CACNG2: variants seen among roughly 807,000 people sequenced by gnomAD.
CACNG2 encodes voltage-dependent calcium channel gamma-2 subunit.
A neutral mutation model predicts 25.9 loss-of-function variants in CACNG2; 3 were observed. The observed-to-expected ratio is 0.12, with a 90% CI of 0.05 to 0.30. The LOEUF (loss-of-function observed/expected upper bound fraction) is 0.30. Among genes scored for constraint, CACNG2 ranks in the 10% least tolerant of loss-of-function variants. The pLI, the probability that CACNG2 is intolerant of heterozygous loss-of-function variation, is 1.00. For missense variants in CACNG2, 341 were observed against 432.5 expected, an observed-to-expected ratio of 0.79 and a Z score of 1.88; for synonymous variants, 167 against 173.3, an observed-to-expected ratio of 0.96 and a Z score of 0.29.
intron 1 of CACNG2, among the ~76,000 whole-genome samples, chr22:36,670,582 C>A (rs1936934241): frequency 6.6e-6 from 1 of 152,080 alleles, no homozygotes; most frequent in South Asian, 2.1e-4. Flanking sequence ...GGAAGTGGCT[C>A]TGGTAGGGCT....
intron 1 of CACNG2, among the ~76,000 whole-genome samples, chr22:36,690,490 A>G (rs532004026): frequency 2.9e-4 from 44 of 152,220 alleles, no homozygotes; most frequent in African/African-American, 9.9e-4. Context: ...TAATAAACAC[A>G]CCACTGGTAA....
At chr22:36,683,943 A>G (rs1044200405) in intron 1 of CACNG2, among the ~76,000 whole-genome samples, 1 of 152,150 alleles carries the variant, frequency 6.6e-6, no homozygotes, top group Non-Finnish European at 1.5e-5. Flanking sequence ...AGTGCTCCCG[A>G]CGCCTCAGAA....
intron 1 of CACNG2, among the ~76,000 whole-genome samples, chr22:36,601,044 A>G (rs1935747458): frequency 6.6e-6 from 1 of 152,132 alleles, no homozygotes; most frequent in African/African-American, 2.4e-5. Context: ...ATACAATACA[A>G]TATTATTAAC....
chr22:36,686,987 A>G (rs1025097820), intron 1 of CACNG2, among the ~76,000 whole-genome samples: 3 of 152,202 alleles, frequency 2.0e-5, no homozygotes, highest in East Asian at 1.9e-4. Context: ...CTTCTGCCCA[A>G]TGAAACTAAG....
intron 1 of CACNG2, among the ~76,000 whole-genome samples, chr22:36,664,762 A>T (rs1392031367): frequency 6.6e-6 from 1 of 152,272 alleles, no homozygotes; most frequent in African/African-American, 2.4e-5. Flanking sequence ...CTGCAATGTA[A>T]TAAAACAGAG....
intron 1 of CACNG2, among the ~76,000 whole-genome samples, chr22:36,619,212 C>T (rs1291921258): frequency 6.6e-6 from 1 of 152,166 alleles, no homozygotes; most frequent in Non-Finnish European, 1.5e-5. Context: ...ATGCTCATTC[C>T]ACTGCACTAG....
intron 2 of CACNG2, among the ~76,000 whole-genome samples, chr22:36,572,216 A>G (rs1935243238): frequency 6.6e-6 from 1 of 152,140 alleles, no homozygotes; most frequent in Admixed American, 6.6e-5. Context: ...GAGCGGTGTA[A>G]ACCTCATACC....
chr22:36,567,895 G>C (rs1014231933), intron 2 of CACNG2, among the ~76,000 whole-genome samples: 3 of 152,098 alleles, frequency 2.0e-5, no homozygotes, highest in Admixed American at 2.0e-4. Flanking sequence ...TGTCACCCAG[G>C]CTGGAGTGCA....
chr22:36,682,427 C>T (rs748868991), intron 1 of CACNG2, among the ~76,000 whole-genome samples: 1 of 151,962 alleles, frequency 6.6e-6, no homozygotes, highest in Non-Finnish European at 1.5e-5. Context: ...TTTTTCTTCC[C>T]TTCCTTTCCT....
chr22:36,642,521 G>A (rs375218959), intron 1 of CACNG2, among the ~76,000 whole-genome samples: 5 of 152,294 alleles, frequency 3.3e-5, no homozygotes, highest in Non-Finnish European at 5.9e-5. Context: ...AGAAGGGCAT[G>A]TTTCTGCTGC....
At chr22:36,695,804 C>T (rs997370136) in intron 1 of CACNG2, among the ~76,000 whole-genome samples, 3 of 152,128 alleles carry the variant, frequency 2.0e-5, no homozygotes, top group South Asian at 2.1e-4. Context: ...TAATGTGAAT[C>T]GGGGTTCAAC....
chr22:36,644,746 G>C (rs1271158011), intron 1 of CACNG2, among the ~76,000 whole-genome samples: 1 of 152,150 alleles, frequency 6.6e-6, no homozygotes, highest in Non-Finnish European at 1.5e-5. Flanking sequence ...AGGATCAAAT[G>C]AGTTACTAAG....
intron 1 of CACNG2, among the ~76,000 whole-genome samples, chr22:36,591,401 T>C (rs901721271): frequency 6.6e-6 from 1 of 152,050 alleles, no homozygotes; most frequent in Non-Finnish European, 1.5e-5. Flanking sequence ...AGGGAGGGGC[T>C]GGGGGCAGTG....
At chr22:36,702,311 G>T (rs1937420385) in intron 1 of CACNG2, 55 bp downstream of exon 1, 4 of 1,046,312 alleles carry the variant, frequency 3.8e-6, no homozygotes, top group Non-Finnish European at 5.7e-6. Context: ...GGGGAGGGGG[G>T]AGTGAAAGGG....
intron 1 of CACNG2, among the ~76,000 whole-genome samples, chr22:36,642,152 G>A (rs1183434260): frequency 6.6e-6 from 1 of 152,218 alleles, no homozygotes; most frequent in Non-Finnish European, 1.5e-5. Flanking sequence ...CTGTCAGCTC[G>A]AGGGGAGGAG....
chr22:36,571,147 C>T (rs1002755623), intron 2 of CACNG2, among the ~76,000 whole-genome samples: 1 of 152,120 alleles, frequency 6.6e-6, no homozygotes, highest in Non-Finnish European at 1.5e-5. Context: ...GGCCCAGCGG[C>T]ATTGGCATCT....
chr22:36,611,490 G>A (rs1935938450), intron 1 of CACNG2, among the ~76,000 whole-genome samples: 1 of 152,224 alleles, frequency 6.6e-6, no homozygotes, highest in African/African-American at 2.4e-5. Context: ...GCTCAAGGCT[G>A]CCAGGAACTG....
Position 36,655,060 on chromosome 22 carries a change from A to G in CACNG2, c.211+47306T>C, listed in dbSNP as rs1372423274. Among the ~76,000 whole-genome samples, 3 of 151,688 alleles carry G rather than the reference A, an allele frequency of 2.0e-5. No individual in the cohort carries two copies. The East Asian group carries it at 5.8e-4, about 29-fold the overall frequency. On this transcript the variant is annotated intron_variant, in intron 1 of 3. Transcript: ENST00000300105. ...ACAGAATGCTGGGGCCGGACTGGGG[A>G]ATTTTGGCGTTTGCTGGAGGAGGCT...
chr22:36,610,071 A>G lies in CACNG2; in HGVS notation c.212-22523T>C, dbSNP rs557202270. On this transcript the variant is annotated intron_variant, in intron 1 of 3. Transcript: ENST00000300105. Reference sequence around the variant, plus strand: ...GCAGGAATCAGCACCCCAGAGTGTGATTGGGAGGAATAAGTCCCCCAGTGT... The same window carrying G: ...GCAGGAATCAGCACCCCAGAGTGTGGTTGGGAGGAATAAGTCCCCCAGTGT... Among the ~76,000 whole-genome samples, 986 of 151,518 alleles carry G rather than the reference A, an allele frequency of 6.5e-3. 7 individuals are homozygous for G. The highest frequency in any genetic ancestry group is 0.011 in the Non-Finnish European group (750 of 67,900).
Sources: allele counts gnomAD v4.1 joint callset (sites outside exome capture counted in the v4.1 genomes callset), GRCh38; gene constraint gnomAD v4.1.1; transcripts MANE v1.5; gene names NCBI Gene and HGNC (gene_info 2026-07-23, HGNC 2026-07-21).